The following FGF10 variants were observed in gnomAD, a reference collection of about 807,000 sequenced individuals.
FGF10 encodes the protein FGF-10.
Under a neutral mutation model 19.8 loss-of-function variants are expected in FGF10, and 2 were observed. That is an observed-to-expected ratio of 0.10 (90% CI 0.04 to 0.32). The LOEUF (loss-of-function observed/expected upper bound fraction) is 0.32. FGF10 is among the 10% of genes least tolerant of loss of function. FGF10 has a pLI of 1.00. For synonymous variants in FGF10, 112 were observed against 94.0 expected, an observed-to-expected ratio of 1.19 and a Z score of -1.10; for missense variants, 191 against 246.3, an observed-to-expected ratio of 0.78 and a Z score of 1.50.
At chr5:44,325,076 G>A (rs191569402) in intron 1 of FGF10, among the ~76,000 whole-genome samples, 12 of 152,162 alleles carry the variant, frequency 7.9e-5, no homozygotes, top group African/African-American at 2.6e-4. Flanking sequence ...ATAAGTGGGC[G>A]AAGGATATGA....
intron 1 of FGF10, among the ~76,000 whole-genome samples, chr5:44,356,848 T>C (rs1162540515): frequency 6.6e-6 from 1 of 151,282 alleles, no homozygotes; most frequent in Admixed American, 6.6e-5. Flanking sequence ...AAGGCAGCCT[T>C]ATCAAACTGA....
intron 1 of FGF10, among the ~76,000 whole-genome samples, chr5:44,376,518 C>CAAAAAAAAAAAAAAAAAA (rs1265124775): frequency 2.8e-5 from 2 of 72,692 alleles, no homozygotes; most frequent in Non-Finnish European, 5.5e-5. Context: ...AAAAAAAAAA[C>CAAAAAAAAAAAAAAAAAA]AAAAAACCCA....
intron 1 of FGF10, among the ~76,000 whole-genome samples, chr5:44,346,698 TAC>T (rs1741097992): frequency 6.6e-6 from 1 of 151,874 alleles, no homozygotes; most frequent in South Asian, 2.1e-4. Context: ...AATAATCTGA[TAC>T]AAATAATCGG....
chr5:44,382,736 T>G (rs2111923067), intron 1 of FGF10, among the ~76,000 whole-genome samples: 1 of 152,290 alleles, frequency 6.6e-6, no homozygotes, highest in Non-Finnish European at 1.5e-5. Context: ...AGTTGATTAC[T>G]TGTCTATATT....
At chr5:44,364,934 G>A (rs1741571451) in intron 1 of FGF10, among the ~76,000 whole-genome samples, 1 of 151,772 alleles carries the variant, frequency 6.6e-6, no homozygotes, top group Non-Finnish European at 1.5e-5. Context: ...GCTTACTGAG[G>A]AGAAACCAAG....
rs1363622041 is a variant in FGF10 at position 44,302,189 on chromosome 5, T to C, written c.*2806A>G. ...CCATTTCAAGCAAATATGCCACTTT[T>C]AAATGCAAGAGAATGTCATTACTCC... On this transcript the variant is annotated 3_prime_UTR_variant, in exon 3 of 3. Coordinates refer to ENST00000264664, the MANE Select transcript of FGF10 (RefSeq NM_004465.2). Among the ~76,000 whole-genome samples the C allele has an allele frequency of 6.6e-6, 1 of 152,012 alleles. No individual in the cohort carries two copies. Among genetic ancestry groups the C allele is most frequent in the Non-Finnish European group, 1.5e-5 (1 of 68,000 alleles).
chr5:44,347,029 T>C (rs7708529), intron 1 of FGF10, among the ~76,000 whole-genome samples: 77,989 of 151,596 alleles, frequency 0.51, 23,077 homozygotes, highest in Non-Finnish European at 0.67. Context: ...TACAGCATAA[T>C]CACCATGAGG....
At chr5:44,324,846 A>T (rs574299970) in intron 1 of FGF10, among the ~76,000 whole-genome samples, 1 of 152,190 alleles carries the variant, frequency 6.6e-6, no homozygotes, top group Non-Finnish European at 1.5e-5. Context: ...GTAAACATCT[A>T]TAAGGAATAA....
chr5:44,353,742 C>A (rs2330549), intron 1 of FGF10, among the ~76,000 whole-genome samples: 142,127 of 151,222 alleles, frequency 0.94, 67,196 homozygotes, highest in Non-Finnish European at 1. Flanking sequence ...GATTAAGTGA[C>A]CTATCTACTA....
intron 1 of FGF10, among the ~76,000 whole-genome samples, chr5:44,323,655 A>C (rs183081204): frequency 1.1e-4 from 16 of 152,310 alleles, no homozygotes; most frequent in Non-Finnish European, 1.9e-4. Flanking sequence ...CACTTTTATT[A>C]AGTCTTGAGT....
chr5:44,329,582 C>G (rs966094623), intron 1 of FGF10, among the ~76,000 whole-genome samples: 1 of 152,118 alleles, frequency 6.6e-6, no homozygotes. Flanking sequence ...ACACCTCCAA[C>G]CTAAACTAGA....
At chr5:44,375,166 T>C (rs2111896372) in intron 1 of FGF10, among the ~76,000 whole-genome samples, 1 of 152,288 alleles carries the variant, frequency 6.6e-6, no homozygotes, top group East Asian at 1.9e-4. Context: ...ACTTATTATA[T>C]GCCAAATACT....
chr5:44,340,356 T>A (rs569884936), intron 1 of FGF10, among the ~76,000 whole-genome samples: 1 of 152,248 alleles, frequency 6.6e-6, no homozygotes, highest in South Asian at 2.1e-4. Flanking sequence ...TCTACCCTTG[T>A]ATCCATAAAG....
intron 1 of FGF10, among the ~76,000 whole-genome samples, chr5:44,352,920 T>C (rs1343559390): frequency 6.6e-6 from 1 of 151,582 alleles, no homozygotes; most frequent in Non-Finnish European, 1.5e-5. Flanking sequence ...CTTTCAGTCT[T>C]CCTAATATTA....
At chr5:44,306,994 A>G (rs1740091371) in intron 2 of FGF10, among the ~76,000 whole-genome samples, 1 of 152,206 alleles carries the variant, frequency 6.6e-6, no homozygotes, top group South Asian at 2.1e-4. Flanking sequence ...ATGGATAATT[A>G]TGTTCATTTC....
chr5:44,339,389 A>G (rs568940538), intron 1 of FGF10, among the ~76,000 whole-genome samples: 1 of 152,318 alleles, frequency 6.6e-6, no homozygotes, highest in East Asian at 1.9e-4. Flanking sequence ...TTCTCACAGT[A>G]TATTAAAGAC....
At chr5:44,324,142 T>C (rs1740559337) in intron 1 of FGF10, among the ~76,000 whole-genome samples, 1 of 152,048 alleles carries the variant, frequency 6.6e-6, no homozygotes, top group South Asian at 2.1e-4. Context: ...TGTACTTGAG[T>C]TCTCATGCAC....
intron 1 of FGF10, 44 bp downstream of exon 1, chr5:44,388,314 G>T: frequency 6.4e-7 from 1 of 1,573,078 alleles, no homozygotes; most frequent in Non-Finnish European, 8.7e-7. Flanking sequence ...GTGTGGGCTG[G>T]GGGTGGATAA....
In FGF10 at chr5:44,388,862, A is replaced by C; in HGVS notation, c.-180T>G. 3 of 671,116 alleles carry C rather than the reference A, an allele frequency of 4.5e-6. No homozygotes were observed. The highest frequency in any genetic ancestry group is 8.1e-6 in the Non-Finnish European group (3 of 369,688). The allele number at this position is 671,116 out of a possible 1,614,324, so 41.6% of individuals were successfully genotyped here. A position where few individuals can be genotyped will look rare whatever the true frequency, so the allele number is the denominator to read the frequency against. The stretch of plus-strand genomic sequence containing the variant: ...CATAACTCCTCGGAAAAGCCGGCTG[A>C]CTCCCCTCGCTCCTTTCTCGGATCC... On this transcript the variant is annotated 5_prime_UTR_variant, in exon 1 of 3. Coordinates refer to ENST00000264664, the MANE Select transcript of FGF10 (RefSeq NM_004465.2).
Sources: allele counts gnomAD v4.1 joint callset (sites outside exome capture counted in the v4.1 genomes callset), GRCh38; gene constraint gnomAD v4.1.1; transcripts MANE v1.5; gene names NCBI Gene and HGNC (gene_info 2026-07-23, HGNC 2026-07-21).